Variants in NDUFS4 observed in about 807,000 individuals in gnomAD.
The protein encoded by NDUFS4 is NADH:ubiquinone oxidoreductase subunit S4.
NDUFS4 carries 28 observed loss-of-function variants against 24.3 expected under a neutral mutation model. The ratio of observed to expected loss-of-function variants is 1.15; its 90% CI spans 0.85 to 1.58. The LOEUF is 1.58. Ranked by LOEUF, NDUFS4 falls within the 40% of genes most tolerant of loss-of-function variation. The probability of loss-of-function intolerance (pLI) is 0.00; values close to 1 mark genes in which losing one functional copy is unlikely to be tolerated. For synonymous variants in NDUFS4, 93 were observed against 69.7 expected (o/e 1.34, Z -1.67); for missense variants, 223 against 207.9 (o/e 1.07, Z -0.45).
chr5:53,665,711 A>T (rs1334603184), intron 4 of NDUFS4, among the ~76,000 whole-genome samples: 1 of 152,210 alleles, frequency 6.6e-6, no homozygotes, highest in African/African-American at 2.4e-5. Context: ...CCGATTTTCC[A>T]GGTGCCATCT....
chr5:53,646,309 A>G lies in NDUFS4; in HGVS notation c.254A>G (p.Asn85Ser), dbSNP rs1302504851. 6 of 1,613,642 alleles carry G rather than the reference A, an allele frequency of 3.7e-6. No homozygotes were observed. In the African/African-American group the frequency reaches 4.0e-5, roughly 11 times the overall value. The change falls in exon 3 of 5, where the codon AAT becomes AGT. Residue 85 changes from asparagine to serine, a missense_variant. Asn to Ser is a conservative substitution (Grantham distance 46). Transcript: ENST00000296684. ...RKVRIFVPARNNMQSGVNNTK... is the reference protein window; with the variant it reads ...RKVRIFVPARSNMQSGVNNTK... ...GTCAGGATCTTTGTTCCTGCTCGCA[A>G]TAACATGCAGTCTGGAGTAAACAAC...
intron 1 of NDUFS4, among the ~76,000 whole-genome samples, chr5:53,566,208 T>C (rs1365505110): frequency 1.3e-5 from 2 of 152,130 alleles, no homozygotes; most frequent in Non-Finnish European, 2.9e-5. Context: ...GGGAGAAAGA[T>C]GGAGCAACTT....
At chr5:53,586,050 C>T (rs902595258) in intron 1 of NDUFS4, among the ~76,000 whole-genome samples, 7 of 151,806 alleles carry the variant, frequency 4.6e-5, no homozygotes, top group African/African-American at 1.7e-4. Flanking sequence ...TAATATCGGC[C>T]AGGTGCAGTG....
At chr5:53,570,575 C>T (rs1749176471) in intron 1 of NDUFS4, among the ~76,000 whole-genome samples, 1 of 152,062 alleles carries the variant, frequency 6.6e-6, no homozygotes, top group East Asian at 1.9e-4. Flanking sequence ...TTATAAGAAA[C>T]TCTCAGACCG....
chr5:53,657,183 T>C (rs1752186983), intron 3 of NDUFS4, among the ~76,000 whole-genome samples: 2 of 152,214 alleles, frequency 1.3e-5, no homozygotes, highest in African/African-American at 4.8e-5. Flanking sequence ...TACTGCATCA[T>C]ATTTATGTTG....
At position 53,644,082 on chromosome 5, in the gene NDUFS4, C is replaced by T. The variant is rs181928160; in HGVS notation, c.178-2151C>T. On this transcript the variant is annotated intron_variant, in intron 2 of 4. Coordinates refer to ENST00000296684, the MANE Select transcript of NDUFS4 (RefSeq NM_002495.4). ...TCAAATACTGTTTTATAGTATAAAT[C>T]AAGAAATACTATTTCAATTTTTTTC... Among the ~76,000 whole-genome samples the T allele has an allele frequency of 3.2e-3, 491 of 152,130 alleles. 10 individuals carry two copies. The highest frequency in any genetic ancestry group is 8.4e-4 in the Non-Finnish European group (57 of 67,968).
At chr5:53,564,971 A>G (rs1395958716) in intron 1 of NDUFS4, among the ~76,000 whole-genome samples, 5 of 152,190 alleles carry the variant, frequency 3.3e-5, no homozygotes, top group East Asian at 3.9e-4. Context: ...AGATTGTGTT[A>G]TTGTTTAAAG....
At chr5:53,577,736 C>A (rs1298899476) in intron 1 of NDUFS4, among the ~76,000 whole-genome samples, 1 of 152,138 alleles carries the variant, frequency 6.6e-6, no homozygotes. Flanking sequence ...GGTCTTCCAA[C>A]TCACTTAACT....
At chr5:53,590,088 G>T (rs1561347022) in intron 1 of NDUFS4, among the ~76,000 whole-genome samples, 1 of 152,132 alleles carries the variant, frequency 6.6e-6, no homozygotes, top group Non-Finnish European at 1.5e-5. Context: ...GGAATATAGA[G>T]AATTACGCAT....
At position 53,601,761 on chromosome 5, in the gene NDUFS4, A is replaced by G. The variant is rs527432056; in HGVS notation, c.99-1691A>G. ...CAGCTCTGTCTCACCCAGGATGTGAATCATCCCTTTGTCTAGTGTATCCAG... is the reference window on the plus strand; with the variant it reads ...CAGCTCTGTCTCACCCAGGATGTGAGTCATCCCTTTGTCTAGTGTATCCAG... On this transcript the variant is annotated intron_variant, in intron 1 of 4. Coordinates refer to ENST00000296684, the MANE Select transcript of NDUFS4 (RefSeq NM_002495.4). 5.3e-5 allele frequency among the ~76,000 whole-genome samples: 8 copies of G among 152,286 alleles called. No homozygotes were observed. The South Asian group carries it at 8.3e-4, about 16-fold the overall frequency.
intron 1 of NDUFS4, among the ~76,000 whole-genome samples, chr5:53,572,985 T>A (rs1579822495): frequency 9.2e-6 from 1 of 108,282 alleles, no homozygotes; most frequent in Non-Finnish European, 1.8e-5. Context: ...TTTTTTTTTT[T>A]AAGAGACCAG....
At chr5:53,666,091 C>T (rs1194053585) in intron 4 of NDUFS4, among the ~76,000 whole-genome samples, 2 of 152,126 alleles carry the variant, frequency 1.3e-5, no homozygotes, top group African/African-American at 4.8e-5. Context: ...CAAAAGTGGT[C>T]TTTTAAAATA....
chr5:53,620,844 CTT>C (rs1410249120), intron 2 of NDUFS4, among the ~76,000 whole-genome samples: 1 of 152,028 alleles, frequency 6.6e-6, no homozygotes, highest in Non-Finnish European at 1.5e-5. Flanking sequence ...TTTCTTGAGA[CTT>C]TTTTATCGCC....
intron 1 of NDUFS4, among the ~76,000 whole-genome samples, chr5:53,582,905 G>A (rs1056099867): frequency 1.3e-5 from 2 of 152,118 alleles, no homozygotes; most frequent in East Asian, 1.9e-4. Context: ...AAGCAGTATA[G>A]CATATATTTT....
intron 1 of NDUFS4, among the ~76,000 whole-genome samples, chr5:53,598,232 A>G (rs1750190564): frequency 6.6e-6 from 1 of 152,344 alleles, no homozygotes; most frequent in South Asian, 2.1e-4. Flanking sequence ...ACGTATGATC[A>G]GCAGTTGTGC....
chr5:53,583,517 A>G (rs1749642011), intron 1 of NDUFS4, among the ~76,000 whole-genome samples: 1 of 152,218 alleles, frequency 6.6e-6, no homozygotes, highest in African/African-American at 2.4e-5. Flanking sequence ...TTAGAATAGC[A>G]GAATGCTTGA....
chr5:53,658,403 TA>T (rs941856320), intron 3 of NDUFS4, 147 bp from the exon 4 acceptor site: 2 of 602,790 alleles, frequency 3.3e-6, no homozygotes, highest in African/African-American at 1.9e-5. Context: ...GTATTCCAAC[TA>T]ACAGTTTTAA....
At chr5:53,645,994 A>AT (rs1202819168) in intron 2 of NDUFS4, among the ~76,000 whole-genome samples, 1 of 151,970 alleles carries the variant, frequency 6.6e-6, no homozygotes, top group African/African-American at 2.4e-5. Context: ...AAGGGCGTAA[A>AT]TTTTTTTTAC....
chr5:53,620,409 A>T (rs1054862724), intron 2 of NDUFS4, among the ~76,000 whole-genome samples: 2 of 152,198 alleles, frequency 1.3e-5, no homozygotes, highest in African/African-American at 4.8e-5. Context: ...GGCTTAGTAT[A>T]TATATCCTAA....
Sources: allele counts gnomAD v4.1 joint callset (sites outside exome capture counted in the v4.1 genomes callset), GRCh38; gene constraint gnomAD v4.1.1; transcripts MANE v1.5; gene names NCBI Gene and HGNC (gene_info 2026-07-23, HGNC 2026-07-21).